The following PIP5K1C variants were observed in gnomAD, a reference collection of about 807,000 sequenced individuals.
PIP5K1C encodes the protein phosphatidylinositol-4-phosphate 5-kinase type 1 gamma.
Under a neutral mutation model 80.1 loss-of-function variants are expected in PIP5K1C, and 45 were observed. That is an observed-to-expected ratio of 0.56 (90% CI 0.44 to 0.72). The LOEUF (loss-of-function observed/expected upper bound fraction) is 0.72, where lower values mean the gene tolerates loss of function less well. PIP5K1C is among the 30% of genes least tolerant of loss of function. The probability of loss-of-function intolerance (pLI) is 0.00; values close to 1 mark genes in which losing one functional copy is unlikely to be tolerated. For missense variants in PIP5K1C, 753 were observed against 954.6 expected (o/e 0.79, Z 2.78); for synonymous variants, 498 against 420.1 (o/e 1.19, Z -2.27).
intron 1 of PIP5K1C, among the ~76,000 whole-genome samples, chr19:3,689,400 C>T (rs1244669295): frequency 6.6e-6 from 1 of 152,116 alleles, no homozygotes; most frequent in African/African-American, 2.4e-5. Context: ...CCTGTAACCC[C>T]AGCACTTTGG....
chr19:3,686,731 TAAATAAAATAAAATAAAATA>T (rs536772980), intron 1 of PIP5K1C, among the ~76,000 whole-genome samples: 2 of 149,222 alleles, frequency 1.3e-5, no homozygotes, highest in African/African-American at 4.9e-5. Context: ...AATAAATAAA[TAAATAAAATAAAATAAAATA>T]AAATAAAATA....
At position 3,642,934 on chromosome 19, in the gene PIP5K1C, C is replaced by T. The variant is rs1031320205; in HGVS notation, c.1655G>A (p.Arg552His). 6 of 1,613,366 alleles carry T rather than the reference C, an allele frequency of 3.7e-6. No individual in the cohort carries two copies. The highest frequency in any genetic ancestry group is 4.2e-6 in the Non-Finnish European group (5 of 1,179,820). ...ETSEQPRYRR[R>H]TQSSGQDGRP... ...GCCATCCTGTCCAGACGACTGTGTGCGCCGCCTGCAGAGATACAGCAAACA... is the reference window on the plus strand; with the variant it reads ...GCCATCCTGTCCAGACGACTGTGTGTGCCGCCTGCAGAGATACAGCAAACA... Residue 552 changes from arginine to histidine, a missense_variant, in exon 14 of 18, where the codon CGC (arginine) becomes CAC (histidine). Around this residue, in one of 6 missense-constraint regions of PIP5K1C, gnomAD observed 315 missense variants for 294.5 expected, o/e 1.07. Coordinates refer to ENST00000335312, the MANE Select transcript of PIP5K1C (RefSeq NM_012398.3).
In PIP5K1C at chr19:3,648,541, TGTGGGGCTGCAGACCCGGGC is replaced by T; in HGVS notation, c.1211+64_1211+83del. ...GGGGCTGCAGACCCGGGCGCCCACC[TGTGGGGCTGCAGACCCGGGC>T]GCCCACCTGTGGGACTGCAGACCCG... On this transcript the variant is annotated intron_variant, in intron 9 of 17. Transcript: ENST00000335312. This position sits in a 1 kb window ranked among gnomAD's most constrained non-coding sequence, Gnocchi z 4.3. 2.8e-6 allele frequency: 3 copies of T among 1,063,140 alleles called. 1 individual carries two copies. Among genetic ancestry groups the T allele is most frequent in the South Asian group, 2.5e-5 (2 of 79,574 alleles). 65.9% of individuals were successfully genotyped at this position (1,063,140 alleles called of 1,614,324 possible).
chr19:3,643,398 G>A lies in PIP5K1C; in HGVS notation c.1511-17C>T, dbSNP rs764109368. The A allele has an allele frequency of 3.7e-6, 6 of 1,612,824 alleles. No individual in the cohort carries two copies. The highest frequency in any genetic ancestry group is 5.1e-6 in the Non-Finnish European group (6 of 1,179,842). On this transcript the variant is annotated splice_polypyrimidine_tract_variant and intron_variant, in intron 12 of 17. Coordinates refer to ENST00000335312, the MANE Select transcript of PIP5K1C (RefSeq NM_012398.3). Reference sequence around the variant, plus strand: ...CGGGCCGGCCTGAGGGGAGAGGACTGTGGGCACCTTGCGGAGCCTCCGAGC... The same window carrying A: ...CGGGCCGGCCTGAGGGGAGAGGACTATGGGCACCTTGCGGAGCCTCCGAGC...
At chr19:3,662,111 C>T (rs1600008259) in intron 3 of PIP5K1C, 110 bp from the exon 4 acceptor site, 1 of 1,336,760 alleles carries the variant, frequency 7.5e-7, no homozygotes, top group East Asian at 2.5e-5. Context: ...TGGGACCCGG[C>T]ACCTGCCAAC....
At chr19:3,694,509 G>A (rs558516731) in intron 1 of PIP5K1C, among the ~76,000 whole-genome samples, 6 of 152,298 alleles carry the variant, frequency 3.9e-5, no homozygotes, top group East Asian at 1.9e-4. Context: ...TCCAGGCACC[G>A]GTGGCACTCA....
intron 11 of PIP5K1C, 26 bp from the exon 12 acceptor site, chr19:3,644,277 C>T (rs1379423890): frequency 6.2e-7 from 1 of 1,605,780 alleles, no homozygotes; most frequent in South Asian, 1.1e-5. Context: ...GGGGTTGGTG[C>T]TTGGGGTTGC....
intron 3 of PIP5K1C, 23 bp downstream of exon 3, chr19:3,664,799 C>T (rs749913462): frequency 6.3e-7 from 1 of 1,594,596 alleles, no homozygotes; most frequent in Admixed American, 1.7e-5. Context: ...CTCCCTCCAG[C>T]CAGCTAAGGG....
intron 2 of PIP5K1C, among the ~76,000 whole-genome samples, chr19:3,665,741 A>T (rs1168535583): frequency 6.6e-6 from 1 of 152,052 alleles, no homozygotes; most frequent in Non-Finnish European, 1.5e-5. Context: ...GGGACCGCCG[A>T]CCCCAGGGGG....
Position 3,638,302 on chromosome 19 carries a change from C to T in PIP5K1C, c.1920+582G>A, listed in dbSNP as rs531859298. Among the ~76,000 whole-genome samples, 168 of 152,264 alleles carry T rather than the reference C, an allele frequency of 1.1e-3. 2 individuals carry two copies. The highest frequency in any genetic ancestry group is 3.9e-3 in the African/African-American group (162 of 41,558). The stretch of plus-strand genomic sequence containing the variant: ...AGCAGGGATCCCAGGTCCCCAGGGC[C>T]GGGCAGACCCTGCCCTGCCCAGTAG... On this transcript the variant is annotated intron_variant, in intron 16 of 17. Coordinates refer to ENST00000335312, the MANE Select transcript of PIP5K1C (RefSeq NM_012398.3).
At position 3,651,885 on chromosome 19, in the gene PIP5K1C, C is replaced by T. The variant is rs773791565; in HGVS notation, c.1068G>A (p.Thr356=). 3.7e-5 allele frequency: 60 copies of T among 1,612,688 alleles called. 1 individual carries two copies. Among genetic ancestry groups the T allele is most frequent in the Middle Eastern group, 3.3e-4 (2 of 6,046 alleles). The change falls in exon 8 of 18, where the codon ACG becomes ACA. Residue 356 remains threonine (T), a synonymous_variant. Coordinates refer to ENST00000335312, the MANE Select transcript of PIP5K1C (RefSeq NM_012398.3). ...RPVGQKALYS[T]AMESIQGGAA... is the part of the protein sequence containing the mutation. Reference sequence around the variant, plus strand: ...CGCCACCCTGGATGGACTCCATGGCCGTGGAGTAGAGCGCCTTCTGGCCCA... The same window carrying T: ...CGCCACCCTGGATGGACTCCATGGCTGTGGAGTAGAGCGCCTTCTGGCCCA...
intron 5 of PIP5K1C, among the ~76,000 whole-genome samples, chr19:3,658,138 C>G (rs1040898015): frequency 1.1e-4 from 16 of 152,368 alleles, no homozygotes; most frequent in African/African-American, 3.8e-4. Context: ...GTCACCACCC[C>G]CGCCCTGCAC....
At chr19:3,662,686 T>G (rs1017966313) in intron 3 of PIP5K1C, among the ~76,000 whole-genome samples, 2 of 150,042 alleles carry the variant, frequency 1.3e-5, no homozygotes, top group Non-Finnish European at 3.0e-5. Flanking sequence ...CTGCCTCAGC[T>G]TCCTGAGTAG....
At position 3,688,381 on chromosome 19, in the gene PIP5K1C, G is replaced by C. The variant is rs1030334688; in HGVS notation, c.94+11916C>G. ...GGAGCTCCTGTTCCTCACCTGCGAG[G>C]GGGGGACGGCCTCTGGCCCCCTGCT... On this transcript the variant is annotated intron_variant, in intron 1 of 17. Coordinates refer to ENST00000335312, the MANE Select transcript of PIP5K1C (RefSeq NM_012398.3). This position sits in a 1 kb window ranked among gnomAD's most constrained non-coding sequence, Gnocchi z 5.3. Among the ~76,000 whole-genome samples the C allele has an allele frequency of 2.5e-4, 38 of 152,306 alleles. No individual in the cohort carries two copies. Among genetic ancestry groups the C allele is most frequent in the East Asian group, 1.2e-3 (6 of 5,164 alleles).
intron 1 of PIP5K1C, among the ~76,000 whole-genome samples, chr19:3,678,501 T>G (rs1442252061): frequency 6.2e-5 from 3 of 48,734 alleles, no homozygotes; most frequent in Non-Finnish European, 3.8e-5. Context: ...GCAAGGAGGA[T>G]GGAAGGATGG....
chr19:3,647,290 G>A (rs1568320675), intron 10 of PIP5K1C, 48 bp downstream of exon 10: 1 of 1,422,498 alleles, frequency 7.0e-7, no homozygotes, highest in Non-Finnish European at 9.5e-7. Context: ...GCACTCACAG[G>A]AGGAGGAGGG....
chr19:3,637,545 G>C lies in PIP5K1C; in HGVS notation c.1920+1339C>G, dbSNP rs558886806. ...GGCTGCGGTCACTTACAGTCCCCGA[G>C]GCGCTCAGCGTCACGGCCCGCAGTC... On this transcript the variant is annotated intron_variant, in intron 16 of 17. Transcript: ENST00000335312. The surrounding 1 kb of genome is among the most constrained non-coding windows in gnomAD (Gnocchi z 7.0). The C allele has an allele frequency of 1.6e-5, 24 of 1,535,392 alleles. 1 individual carries two copies. The Middle Eastern group carries it at 6.7e-4, about 43-fold the overall frequency.
rs2034813620 is a variant in PIP5K1C, at chr19:3,660,962, T to C, written c.468+4A>G. On this transcript the variant is annotated splice_donor_region_variant and intron_variant, in intron 5 of 17. Coordinates refer to ENST00000335312, the MANE Select transcript of PIP5K1C (RefSeq NM_012398.3). Reference sequence around the variant, plus strand: ...TGGAAGCCCGTAACAGCAAATATGCTTACCAAGTAATCATCTGGCCGGATC... The same window carrying C: ...TGGAAGCCCGTAACAGCAAATATGCCTACCAAGTAATCATCTGGCCGGATC... The C allele has an allele frequency of 3.1e-6, 5 of 1,608,864 alleles. No individual in the cohort carries two copies. The highest frequency in any genetic ancestry group is 4.3e-6 in the Non-Finnish European group (5 of 1,175,634).
chr19:3,637,459 G>C lies in PIP5K1C; in HGVS notation c.1920+1425C>G, dbSNP rs1046458247. 3.9e-6 allele frequency: 6 copies of C among 1,535,594 alleles called. No individual in the cohort carries two copies. Among genetic ancestry groups the C allele is most frequent in the Non-Finnish European group, 4.4e-6 (5 of 1,146,816 alleles). The stretch of plus-strand genomic sequence containing the variant: ...AACTGACGTCAGACACTGAGCTTCC[G>C]GCCGGGGACCTGCGGCTCCCTGCTG... On this transcript the variant is annotated intron_variant, in intron 16 of 17. Coordinates refer to ENST00000335312, the MANE Select transcript of PIP5K1C (RefSeq NM_012398.3). The surrounding 1 kb of genome is among the most constrained non-coding windows in gnomAD (Gnocchi z 7.0).
Sources: gnomAD v4.1 joint callset for allele counts (sites outside exome capture counted in the v4.1 genomes callset) on GRCh38, gnomAD v4.1.1 for gene constraint, gnomAD v4.1.1 regional missense constraint, Gnocchi (gnomAD v3.1) non-coding constraint, MANE v1.5 for transcripts, NCBI Gene and HGNC (gene_info 2026-07-23, HGNC 2026-07-21) for gene names.